COL24A1: variants seen among roughly 807,000 people sequenced by gnomAD.
The protein encoded by COL24A1 is collagen alpha-1(XXIV) chain.
A neutral mutation model predicts 253.9 loss-of-function variants in COL24A1; 224 were observed. The ratio of observed to expected loss-of-function variants is 0.88; its 90% CI spans 0.79 to 0.99. The LOEUF (loss-of-function observed/expected upper bound fraction) is 0.99. COL24A1 is among the 50% of genes least tolerant of loss of function. The pLI is 0.00. For missense variants in COL24A1, 2,131 were observed against 2,068.5 expected, an observed-to-expected ratio of 1.03 and a Z score of -0.59; for synonymous variants, 685 against 673.7, an observed-to-expected ratio of 1.02 and a Z score of -0.26.
Position 85,761,385 on chromosome 1 carries a change from A to G in COL24A1, c.4437+11T>C. 1 of 1,613,956 alleles carries G rather than the reference A, an allele frequency of 6.2e-7. No homozygotes were observed. Among genetic ancestry groups the G allele is most frequent in the South Asian group, 1.1e-5 (1 of 91,072 alleles). The stretch of plus-strand genomic sequence containing the variant: ...GATAAAACAAAACAAAATCAAACCA[A>G]GCAAACTTACTCTTGGGCCTGGTGC... On this transcript the variant is annotated intron_variant, in intron 55 of 59. Coordinates refer to ENST00000370571, the MANE Select transcript of COL24A1 (RefSeq NM_152890.7).
intron 47 of COL24A1, among the ~76,000 whole-genome samples, chr1:85,790,421 G>T (rs1410343696): frequency 3.3e-5 from 5 of 151,144 alleles, no homozygotes; most frequent in Non-Finnish European, 7.4e-5. Flanking sequence ...ATTTTTTATT[G>T]TGTCTATTTG....
At chr1:86,007,755 G>C (rs377358013) in intron 19 of COL24A1, among the ~76,000 whole-genome samples, 9 of 152,270 alleles carry the variant, frequency 5.9e-5, no homozygotes, top group East Asian at 3.9e-4. Flanking sequence ...TTCTGGAAAA[G>C]GCAAAATTAT....
intron 28 of COL24A1, among the ~76,000 whole-genome samples, chr1:85,900,718 T>C (rs1684198914): frequency 6.6e-6 from 1 of 151,872 alleles, no homozygotes; most frequent in Non-Finnish European, 1.5e-5. Flanking sequence ...AACAGACACA[T>C]AGACAAATAG....
At position 86,045,909 on chromosome 1, in the gene COL24A1, A is replaced by G. The variant is rs566439421; in HGVS notation, c.1950+916T>C. On this transcript the variant is annotated intron_variant, in intron 12 of 59. Transcript: ENST00000370571. ...TGTGAGTAGAAGACAGAGCAGAAATATCTAGGCAGTAAGGAAAAGGATTCT... is the reference window on the plus strand; with the variant it reads ...TGTGAGTAGAAGACAGAGCAGAAATGTCTAGGCAGTAAGGAAAAGGATTCT... The G allele has an allele frequency of 2.2e-4, 91 of 417,540 alleles. 2 individuals carry two copies. Among genetic ancestry groups the G allele is most frequent in the South Asian group, 1.6e-3 (86 of 54,870 alleles). The allele number at this position is 417,540 out of a possible 1,614,324, so 25.9% of individuals were successfully genotyped here.
intron 4 of COL24A1, among the ~76,000 whole-genome samples, chr1:86,114,069 TAATATC>T (rs1318331364): frequency 2.0e-5 from 3 of 152,022 alleles, no homozygotes; most frequent in Non-Finnish European, 2.9e-5. Flanking sequence ...TAGGAAAAAT[TAATATC>T]AATGAAAGTT....
intron 1 of COL24A1, among the ~76,000 whole-genome samples, chr1:86,148,765 T>C (rs1489159779): frequency 2.0e-5 from 3 of 152,120 alleles, no homozygotes; most frequent in Non-Finnish European, 4.4e-5. Context: ...GACATTTGGG[T>C]TGGTTCCAAG....
chr1:85,899,973 G>T (rs1684113898), intron 28 of COL24A1, among the ~76,000 whole-genome samples: 2 of 152,192 alleles, frequency 1.3e-5, no homozygotes, highest in African/African-American at 4.8e-5. Context: ...AAAAAGAAAT[G>T]AGGTTAATCC....
At position 85,745,481 on chromosome 1, in the gene COL24A1, A is replaced by G; in HGVS notation, c.4463T>C (p.Ile1488Thr). The G allele has an allele frequency of 1.2e-6, 2 of 1,610,330 alleles. No individual in the cohort carries two copies. The highest frequency in any genetic ancestry group is 1.7e-6 in the Non-Finnish European group (2 of 1,178,570). Residue 1488 changes from isoleucine (I) to threonine (T), a missense_variant, in exon 56 of 60, where the codon ATT (isoleucine) becomes ACT (threonine). Ile to Thr is a moderately conservative substitution (Grantham distance 89, BLOSUM62 -1). Transcript: ENST00000370571. Reference protein sequence around the residue: ...PRKQMDINAAIQALIESNTAL... With the variant: ...PRKQMDINAATQALIESNTAL... ...AGTATTTGATTCAATCAAGGCTTGA[A>G]TAGCAGCATTGATATCCATTTGCTT... is the stretch of plus-strand genomic sequence containing the variant.
intron 17 of COL24A1, 49 bp from the exon 18 acceptor site, chr1:86,022,342 A>G (rs756965148): frequency 2.6e-6 from 4 of 1,524,456 alleles, no homozygotes; most frequent in African/African-American, 2.8e-5. Context: ...CACAAAAGGC[A>G]GACATACCAC....
intron 7 of COL24A1, among the ~76,000 whole-genome samples, chr1:86,070,961 G>T (rs1701833918): frequency 2.0e-5 from 3 of 152,144 alleles, no homozygotes; most frequent in Admixed American, 1.3e-4. Context: ...TGTAATGGTG[G>T]TGTGTAAACT....
intron 5 of COL24A1, among the ~76,000 whole-genome samples, chr1:86,102,024 T>G (rs544264557): frequency 1.0e-3 from 159 of 151,964 alleles, no homozygotes; most frequent in Admixed American, 2.5e-3. Context: ...AGCTTTTTTT[T>G]TTAACCAAAA....
chr1:85,831,080 G>A (rs967782216), intron 43 of COL24A1, among the ~76,000 whole-genome samples: 3 of 152,106 alleles, frequency 2.0e-5, no homozygotes, highest in African/African-American at 7.2e-5. Flanking sequence ...AGAGTGGCAA[G>A]AGAGAAAGGC....
intron 12 of COL24A1, among the ~76,000 whole-genome samples, chr1:86,041,403 C>A (rs1699472698): frequency 6.6e-6 from 1 of 152,072 alleles, no homozygotes; most frequent in Non-Finnish European, 1.5e-5. Context: ...CAAGTCAGTT[C>A]TAGCATAAAT....
At chr1:85,884,457 G>T (rs1417640958) in intron 32 of COL24A1, among the ~76,000 whole-genome samples, 2 of 152,100 alleles carry the variant, frequency 1.3e-5, no homozygotes, top group Admixed American at 1.3e-4. Flanking sequence ...AATAGGGTTT[G>T]TGGCACAGTT....
At chr1:85,969,278 TCA>T (rs2100748776) in intron 22 of COL24A1, among the ~76,000 whole-genome samples, 1 of 152,060 alleles carries the variant, frequency 6.6e-6, no homozygotes, top group South Asian at 2.1e-4. Flanking sequence ...AAAGAAATAA[TCA>T]CAGTCTTTTT....
intron 19 of COL24A1, among the ~76,000 whole-genome samples, chr1:85,995,257 T>A (rs960864259): frequency 1.4e-4 from 21 of 150,526 alleles, no homozygotes; most frequent in South Asian, 2.1e-4. Context: ...TTAAAAAAAT[T>A]TTTTTTTTTT....
chr1:86,046,796 T>C, intron 12 of COL24A1, 29 bp downstream of exon 12: 1 of 1,610,684 alleles, frequency 6.2e-7, no homozygotes, highest in East Asian at 2.2e-5. Flanking sequence ...TGCTGTAAAA[T>C]AAACCTCAAA....
At chr1:86,050,642 G>A (rs1700234004) in intron 10 of COL24A1, among the ~76,000 whole-genome samples, 1 of 152,080 alleles carries the variant, frequency 6.6e-6, no homozygotes, top group South Asian at 2.1e-4. Flanking sequence ...TTGGTAAATA[G>A]AGACATAATA....
chr1:86,053,088 T>C (rs1289973693), intron 10 of COL24A1, among the ~76,000 whole-genome samples: 1 of 152,142 alleles, frequency 6.6e-6, no homozygotes, highest in East Asian at 1.9e-4. Flanking sequence ...GAAATGTTTC[T>C]TTTAAAGTGA....
Sources: allele counts gnomAD v4.1 joint callset (sites outside exome capture counted in the v4.1 genomes callset), GRCh38; gene constraint gnomAD v4.1.1; transcripts MANE v1.5; gene names NCBI Gene and HGNC (gene_info 2026-07-23, HGNC 2026-07-21).